The following RBMS3 variants were observed in gnomAD, a reference collection of about 807,000 sequenced individuals.
RBMS3 encodes the protein RNA binding motif single stranded interacting protein 3.
In RBMS3, 27 loss-of-function variants were observed where a neutral mutation model predicts 66.8. The ratio of observed to expected loss-of-function variants is 0.40; its 90% CI spans 0.30 to 0.56. The LOEUF is 0.56. RBMS3 is among the 20% of genes least tolerant of loss of function. RBMS3 has a pLI of 0.40. For synonymous variants in RBMS3, 188 were observed against 183.0 expected, an observed-to-expected ratio of 1.03 and a Z score of -0.22; for missense variants, 513 against 549.5, an observed-to-expected ratio of 0.93 and a Z score of 0.66.
intron 9 of RBMS3, among the ~76,000 whole-genome samples, chr3:29,898,237 A>G (rs1206414909): frequency 5.3e-5 from 8 of 151,688 alleles, no homozygotes; most frequent in African/African-American, 1.7e-4. Flanking sequence ...CAGTTCTTCC[A>G]ATTCTAATTA....
chr3:29,300,341 G>A (rs1031275840), intron 1 of RBMS3, among the ~76,000 whole-genome samples: 1 of 151,924 alleles, frequency 6.6e-6, no homozygotes, highest in East Asian at 1.9e-4. Context: ...AGAGATTAAA[G>A]TGTATATCTA....
chr3:29,406,823 T>C (rs1438331), intron 1 of RBMS3, among the ~76,000 whole-genome samples: 123,244 of 151,838 alleles, frequency 0.81, 50,476 homozygotes, highest in East Asian at 0.97. Context: ...AAATATTATT[T>C]TACTCCTTTG....
intron 4 of RBMS3, among the ~76,000 whole-genome samples, chr3:29,733,402 G>A (rs1486057523): frequency 1.3e-5 from 2 of 151,442 alleles, no homozygotes; most frequent in African/African-American, 4.9e-5. Flanking sequence ...GGGATTGCTG[G>A]GTCACATGTT....
chr3:29,431,508 G>A (rs1416690046), intron 1 of RBMS3, among the ~76,000 whole-genome samples: 1 of 151,836 alleles, frequency 6.6e-6, no homozygotes, highest in African/African-American at 2.4e-5. Context: ...GGCCAGGATG[G>A]TCTTGATCTC....
At chr3:29,473,073 AC>A (rs2125802851) in intron 2 of RBMS3, among the ~76,000 whole-genome samples, 1 of 151,984 alleles carries the variant, frequency 6.6e-6, no homozygotes, top group East Asian at 1.9e-4. Context: ...TGAGCTAGGC[AC>A]AGGGTGCTGA....
chr3:29,594,749 G>T (rs1319773670), intron 4 of RBMS3, among the ~76,000 whole-genome samples: 2 of 152,108 alleles, frequency 1.3e-5, no homozygotes, highest in Non-Finnish European at 2.9e-5. Context: ...AATGCTGAAT[G>T]CAGGGATTCA....
chr3:29,996,094 C>CA (rs1274700792), intron 14 of RBMS3, among the ~76,000 whole-genome samples: 2 of 150,718 alleles, frequency 1.3e-5, no homozygotes, highest in African/African-American at 2.4e-5. Context: ...CAATGGAAAA[C>CA]AAAAAAAGGC....
rs548698880 is a variant in RBMS3 at position 29,364,193 on chromosome 3, GA to G, written c.76-70546del. 6.6e-5 allele frequency among the ~76,000 whole-genome samples: 10 copies of G among 152,094 alleles called. No homozygotes were observed. In the South Asian group the frequency reaches 2.1e-3, roughly 32 times the overall value. On this transcript the variant is annotated intron_variant, in intron 1 of 14. Transcript: ENST00000383767. Reference sequence around the variant, plus strand: ...AAAATTCTCAAATATATCATTAATCGAAAACAATTCTGCAAAACAATGCATA... The same window carrying G: ...AAAATTCTCAAATATATCATTAATCGAAACAATTCTGCAAAACAATGCATA...
rs1190449402 is a variant in RBMS3 at position 29,437,490 on chromosome 3, G to T, written c.248+2575G>T. Among the ~76,000 whole-genome samples the T allele has an allele frequency of 2.6e-5, 4 of 152,330 alleles. No individual in the cohort carries two copies. The East Asian group carries it at 7.7e-4, about 29-fold the overall frequency. On this transcript the variant is annotated intron_variant, in intron 2 of 14. Transcript: ENST00000383767. ...AATATTAAGTGAACAGAGGATAATA[G>T]TTACTTGTTCATATTAATATTTGTC... is the stretch of plus-strand genomic sequence containing the variant.
chr3:29,742,893 A>G (rs928030602), intron 5 of RBMS3, among the ~76,000 whole-genome samples: 3 of 152,190 alleles, frequency 2.0e-5, no homozygotes, highest in African/African-American at 7.2e-5. Context: ...AGGTATCTGT[A>G]TTTCAGAAAG....
intron 4 of RBMS3, among the ~76,000 whole-genome samples, chr3:29,649,343 A>G (rs2050061150): frequency 6.6e-6 from 1 of 152,192 alleles, no homozygotes; most frequent in Non-Finnish European, 1.5e-5. Context: ...GAGTTGTACA[A>G]ATGTCACGTG....
At chr3:29,482,951 C>T (rs1234701371) in intron 2 of RBMS3, among the ~76,000 whole-genome samples, 5 of 151,592 alleles carry the variant, frequency 3.3e-5, no homozygotes, top group African/African-American at 1.2e-4. Context: ...CGTGATCTAC[C>T]CACCTCGGTC....
chr3:29,981,827 G>A (rs2149783931), intron 12 of RBMS3, among the ~76,000 whole-genome samples: 1 of 152,268 alleles, frequency 6.6e-6, no homozygotes, highest in Middle Eastern at 3.4e-3. Flanking sequence ...GATTCAGTTT[G>A]CCAGTATTTT....
At chr3:29,986,762 G>T (rs1035804836) in intron 12 of RBMS3, among the ~76,000 whole-genome samples, 1 of 152,110 alleles carries the variant, frequency 6.6e-6, no homozygotes, top group Admixed American at 6.5e-5. Context: ...GGCCAATATG[G>T]CAAAACCCTG....
rs148783118 is a variant in RBMS3 at position 29,987,940 on chromosome 3, T to C, written c.1099-203T>C. ...TTAACTCATATTGATAATTAAGAGG[T>C]AGGGCTACTGTGGGTACTTAATCAG... is the stretch of plus-strand genomic sequence containing the variant. On this transcript the variant is annotated intron_variant, in intron 12 of 14. Coordinates refer to ENST00000383767, the MANE Select transcript of RBMS3 (RefSeq NM_001003793.3). 299 of 487,500 alleles carry C rather than the reference T, an allele frequency of 6.1e-4. 1 individual carries two copies. The East Asian group carries it at 9.8e-3, about 16-fold the overall frequency. The allele number at this position is 487,500 out of a possible 1,614,324, so 30.2% of individuals were successfully genotyped here. A position where few individuals can be genotyped will look rare whatever the true frequency, so the allele number is the denominator to read the frequency against.
intron 5 of RBMS3, among the ~76,000 whole-genome samples, chr3:29,750,423 A>G (rs2055121879): frequency 6.6e-6 from 1 of 152,202 alleles, no homozygotes; most frequent in African/African-American, 2.4e-5. Context: ...TTTATGGCAT[A>G]AAACAATGTA....
intron 10 of RBMS3, among the ~76,000 whole-genome samples, chr3:29,931,788 T>G (rs1035441067): frequency 1.3e-5 from 2 of 152,210 alleles, no homozygotes; most frequent in African/African-American, 2.4e-5. Context: ...GCCATTTATA[T>G]TATGAGATCT....
At chr3:29,550,629 G>A (rs2046150566) in intron 3 of RBMS3, among the ~76,000 whole-genome samples, 1 of 152,034 alleles carries the variant, frequency 6.6e-6, no homozygotes, top group African/African-American at 2.4e-5. Flanking sequence ...GTGTAATAGT[G>A]TAATAATTTT....
intron 2 of RBMS3, among the ~76,000 whole-genome samples, chr3:29,483,309 CAAAAAAAA>C (rs72225547): frequency 2.6e-5 from 2 of 75,588 alleles, no homozygotes; most frequent in African/African-American, 3.9e-5. Flanking sequence ...TTCGTCTTAA[CAAAAAAAA>C]AAAAAAAAGA....
Sources: gnomAD v4.1 joint callset for allele counts (sites outside exome capture counted in the v4.1 genomes callset) on GRCh38, gnomAD v4.1.1 for gene constraint, MANE v1.5 for transcripts, NCBI Gene and HGNC (gene_info 2026-07-23, HGNC 2026-07-21) for gene names.